Variants in ZDHHC11B observed in about 807,000 individuals in gnomAD.
ZDHHC11B encodes zDHHC palmitoyltransferase 11B (putative).
Under a neutral mutation model 42.3 loss-of-function variants are expected in ZDHHC11B, and 17 were observed. The observed-to-expected ratio is 0.40, with a 90% CI of 0.27 to 0.60. The LOEUF (loss-of-function observed/expected upper bound fraction) is 0.60, where lower values mean the gene tolerates loss of function less well. Among genes scored for constraint, ZDHHC11B ranks in the 20% least tolerant of loss-of-function variants. The probability of loss-of-function intolerance (pLI) is 0.41; values close to 1 mark genes in which losing one functional copy is unlikely to be tolerated. For missense variants in ZDHHC11B, 262 were observed against 463.2 expected (o/e 0.57, Z 3.99); for synonymous variants, 123 against 193.5 (o/e 0.64, Z 3.02).
intron 4 of ZDHHC11B, among the ~76,000 whole-genome samples, chr5:758,563 C>T (rs1363741088): frequency 2.0e-5 from 3 of 151,738 alleles, no homozygotes; most frequent in Admixed American, 1.3e-4. Context: ...AGGCAAACCC[C>T]GTGGAGCTGC....
intron 12 of ZDHHC11B, among the ~76,000 whole-genome samples, chr5:721,384 A>G (rs1384203978): frequency 5.9e-5 from 9 of 151,634 alleles, no homozygotes; most frequent in African/African-American, 2.2e-4. Flanking sequence ...ATATAGATAG[A>G]TAGATAGATT....
chr5:771,415 A>C (rs1736024697), intron 1 of ZDHHC11B, among the ~76,000 whole-genome samples: 1 of 147,458 alleles, frequency 6.8e-6, no homozygotes, highest in Non-Finnish European at 1.5e-5. Context: ...CGGAGGATGC[A>C]GGGGCAGGAT....
In ZDHHC11B at chr5:733,472, G is replaced by A. The variant is rs547508022; in HGVS notation, c.1023+280C>T. Among the ~76,000 whole-genome samples, 57 of 151,624 alleles carry A rather than the reference G, an allele frequency of 3.8e-4. 1 individual carries two copies. Among genetic ancestry groups the A allele is most frequent in the Non-Finnish European group, 7.5e-4 (51 of 67,950 alleles). On this transcript the variant is annotated intron_variant, in intron 11 of 13. Transcript: ENST00000508859. ...CTGGGCACTTCAGACCCTGCCCTGGGCATCTGCCCATCACCGCAGCTTCTT... is the reference window on the plus strand; with the variant it reads ...CTGGGCACTTCAGACCCTGCCCTGGACATCTGCCCATCACCGCAGCTTCTT...
intron 1 of ZDHHC11B, among the ~76,000 whole-genome samples, chr5:775,249 GC>G (rs1736378426): frequency 6.6e-6 from 1 of 151,960 alleles, no homozygotes; most frequent in African/African-American, 2.4e-5. Flanking sequence ...GAAGCCACCA[GC>G]AGCTTCTCCA....
intron 1 of ZDHHC11B, among the ~76,000 whole-genome samples, chr5:772,936 G>A (rs1284128558): frequency 6.6e-6 from 1 of 151,880 alleles, no homozygotes; most frequent in African/African-American, 2.4e-5. Context: ...TTTTAAAAAA[G>A]TTTTTAAACT....
chr5:773,753 A>G (rs1412653570), intron 1 of ZDHHC11B, among the ~76,000 whole-genome samples: 2 of 151,876 alleles, frequency 1.3e-5, no homozygotes, highest in East Asian at 3.9e-4. Context: ...AACTGCTTGG[A>G]GGCTGAGCCC....
intron 12 of ZDHHC11B, among the ~76,000 whole-genome samples, chr5:729,238 A>C (rs1742824211): frequency 6.6e-6 from 1 of 151,052 alleles, no homozygotes; most frequent in Non-Finnish European, 1.5e-5. Flanking sequence ...CTCCCTGAAT[A>C]ATGTCGGCCG....
At chr5:735,850 CA>C (rs1284863123) in intron 10 of ZDHHC11B, among the ~76,000 whole-genome samples, 24 of 148,948 alleles carry the variant, frequency 1.6e-4, no homozygotes, top group South Asian at 4.5e-4. Flanking sequence ...CAAAATACAC[CA>C]AAACAGAACC....
At chr5:753,327 G>A (rs1441512826) in intron 6 of ZDHHC11B, among the ~76,000 whole-genome samples, 2 of 130,440 alleles carry the variant, frequency 1.5e-5, no homozygotes, top group Non-Finnish European at 3.4e-5. Flanking sequence ...GGACAGAAGC[G>A]AGGTTGGCAC....
At chr5:747,865 T>C (rs1413602901) in intron 8 of ZDHHC11B, 5 of 206,896 alleles carry the variant, frequency 2.4e-5, no homozygotes, top group African/African-American at 9.0e-5. Context: ...ACAGGTTTCC[T>C]TGGGGCTGGG....
intron 7 of ZDHHC11B, among the ~76,000 whole-genome samples, chr5:750,470 G>A (rs563944453): frequency 3.8e-5 from 5 of 131,934 alleles, no homozygotes; most frequent in East Asian, 6.2e-4. Flanking sequence ...AAGCACACTC[G>A]TGGCTAGATT....
chr5:732,748 G>A, intron 11 of ZDHHC11B: 1 of 387,948 alleles, frequency 2.6e-6, no homozygotes. Context: ...ACCAGCCTGT[G>A]GCCTGGCATG....
Position 722,734 on chromosome 5 carries a change from T to C in ZDHHC11B, c.1059-5869A>G, listed in dbSNP as rs1347673646. On this transcript the variant is annotated intron_variant, in intron 12 of 13. Coordinates refer to ENST00000508859, the MANE Select transcript of ZDHHC11B (RefSeq NM_001351303.2). ...GCAGCACAGCTGGGTAGCAAAAAACTGGAAGCCATCTCCATGCCCAACCAT... is the reference window on the plus strand; with the variant it reads ...GCAGCACAGCTGGGTAGCAAAAAACCGGAAGCCATCTCCATGCCCAACCAT... Among the ~76,000 whole-genome samples, 5 of 151,402 alleles carry C rather than the reference T, an allele frequency of 3.3e-5. 1 individual carries two copies. Among genetic ancestry groups the C allele is most frequent in the Admixed American group, 2.0e-4 (3 of 15,214 alleles).
chr5:753,789 G>C (rs1746114003), intron 6 of ZDHHC11B, among the ~76,000 whole-genome samples: 1 of 145,498 alleles, frequency 6.9e-6, no homozygotes, highest in African/African-American at 2.5e-5. Flanking sequence ...CTGTGCTCCA[G>C]ACGGGATGGC....
At chr5:716,263 C>CA (rs1244230956) in intron 13 of ZDHHC11B, among the ~76,000 whole-genome samples, 2 of 151,244 alleles carry the variant, frequency 1.3e-5, no homozygotes, top group African/African-American at 4.9e-5. Context: ...GATGGTTTGC[C>CA]AACTCATGTG....
chr5:731,086 C>A (rs1561124606), intron 11 of ZDHHC11B, among the ~76,000 whole-genome samples: 1 of 151,798 alleles, frequency 6.6e-6, no homozygotes, highest in African/African-American at 2.4e-5. Flanking sequence ...GGTTAAGAAC[C>A]TGGGAGTGGG....
In ZDHHC11B at chr5:753,829, G is replaced by A. The variant is rs546716570; in HGVS notation, c.503+1169C>T. On this transcript the variant is annotated intron_variant, in intron 6 of 13. Coordinates refer to ENST00000508859, the MANE Select transcript of ZDHHC11B (RefSeq NM_001351303.2). ...AGGCAGGGCAGGGACCCCCCGGTGCGTCCTGTGACACCAGGCAACGTTGGT... is the reference window on the plus strand; with the variant it reads ...AGGCAGGGCAGGGACCCCCCGGTGCATCCTGTGACACCAGGCAACGTTGGT... Among the ~76,000 whole-genome samples the A allele has an allele frequency of 1.6e-4, 24 of 147,606 alleles. 1 individual carries two copies. The highest frequency in any genetic ancestry group is 1.3e-3 in the East Asian group (6 of 4,458).
rs141724762 is a variant in ZDHHC11B, at chr5:746,636, C to G, written c.785-1338G>C. Among the ~76,000 whole-genome samples, 32 of 149,810 alleles carry G rather than the reference C, an allele frequency of 2.1e-4. No homozygotes were observed. The South Asian group carries it at 5.0e-3, about 23-fold the overall frequency. On this transcript the variant is annotated intron_variant, in intron 8 of 13. Transcript: ENST00000508859. ...CCACTGCACTTCCCTGCTCTGCCAC[C>G]TGAGGCAAGGGCCAGCTTCTCTGCA... is the stretch of plus-strand genomic sequence containing the variant.
At chr5:748,078 G>C (rs1248711441) in intron 8 of ZDHHC11B, 1 of 499,160 alleles carries the variant, frequency 2.0e-6, no homozygotes, top group African/African-American at 1.9e-5. Context: ...TTGCCTAATA[G>C]ATTCCATTCC....
Sources: allele counts gnomAD v4.1 joint callset (sites outside exome capture counted in the v4.1 genomes callset), GRCh38; gene constraint gnomAD v4.1.1; transcripts MANE v1.5; gene names NCBI Gene and HGNC (gene_info 2026-07-23, HGNC 2026-07-21).